Variants in CACNA1D observed in about 807,000 individuals in gnomAD.
The protein encoded by CACNA1D is calcium voltage-gated channel subunit alpha1 D.
CACNA1D carries 55 observed loss-of-function variants against 257.1 expected under a neutral mutation model. The observed-to-expected ratio is 0.21, with a 90% CI of 0.17 to 0.27. The LOEUF is 0.27. Among genes scored for constraint, CACNA1D ranks in the 10% least tolerant of loss-of-function variants. CACNA1D has a pLI of 1.00. For missense variants in CACNA1D, 1,876 were observed against 2,784.0 expected (o/e 0.67, Z 7.34); for synonymous variants, 980 against 1,014.9 (o/e 0.97, Z 0.65).
chr3:53,641,825 C>G (rs545687111), intron 3 of CACNA1D, among the ~76,000 whole-genome samples: 2 of 152,118 alleles, frequency 1.3e-5, no homozygotes, highest in Non-Finnish European at 2.9e-5. Flanking sequence ...TTATAGGGCT[C>G]GGAGGCCCTG....
intron 40 of CACNA1D, among the ~76,000 whole-genome samples, chr3:53,799,367 A>C (rs1473601514): frequency 1.3e-5 from 2 of 152,148 alleles, no homozygotes; most frequent in Non-Finnish European, 2.9e-5. Context: ...TCCCTAATGA[A>C]GTCATGAACA....
At chr3:53,511,360 A>G (rs903495521) in intron 3 of CACNA1D, among the ~76,000 whole-genome samples, 95 of 152,296 alleles carry the variant, frequency 6.2e-4, no homozygotes, top group African/African-American at 2.2e-3. Context: ...GCGGCGGCGA[A>G]AAAGAGTACA....
chr3:53,786,447 T>C (rs888190528), intron 39 of CACNA1D: 2 of 274,606 alleles, frequency 7.3e-6, no homozygotes, highest in Non-Finnish European at 1.4e-5. Flanking sequence ...CAAATCCCTA[T>C]GCACAGGGGT....
chr3:53,646,371 A>G (rs2094020628), intron 3 of CACNA1D, among the ~76,000 whole-genome samples: 1 of 152,184 alleles, frequency 6.6e-6, no homozygotes, highest in Non-Finnish European at 1.5e-5. Flanking sequence ...AGATACATAC[A>G]TATGTATCCT....
rs2108853461 is a variant in CACNA1D at position 53,747,422 on chromosome 3, A to G, written c.3288A>G (p.Thr1096=). ...TCTCTGCTATGATGGCGCTCTTCAC[A>G]GTCTCCACGTTTGAGGGCTGGCCTG... ...NVLSAMMALF[T]VSTFEGWPAL... is the part of the protein sequence containing the mutation. Residue 1096 remains threonine (T), a synonymous_variant, in exon 26 of 48, where the codon ACA becomes ACG. Transcript: ENST00000350061. 2 of 1,614,250 alleles carry G rather than the reference A, an allele frequency of 1.2e-6. No individual in the cohort carries two copies. The highest frequency in any genetic ancestry group is 1.7e-6 in the Non-Finnish European group (2 of 1,180,030).
intron 3 of CACNA1D, among the ~76,000 whole-genome samples, chr3:53,623,964 A>G (rs1381494297): frequency 6.6e-6 from 1 of 152,220 alleles, no homozygotes. Context: ...TAAAATATAC[A>G]GAGTTCTGGC....
At chr3:53,736,493 C>T (rs2095058710) in intron 20 of CACNA1D, among the ~76,000 whole-genome samples, 1 of 152,304 alleles carries the variant, frequency 6.6e-6, no homozygotes, top group South Asian at 2.1e-4. Flanking sequence ...GTTTGAGTAA[C>T]TTCATGAAGC....
intron 3 of CACNA1D, among the ~76,000 whole-genome samples, chr3:53,590,087 AGGACATCCCAGCCCT>A (rs2093281038): frequency 6.6e-6 from 1 of 152,196 alleles, no homozygotes; most frequent in African/African-American, 2.4e-5. Flanking sequence ...ACTTCTGTGC[AGGACATCCCAGCCCT>A]GGATGGATCC....
chr3:53,733,028 G>C, intron 19 of CACNA1D, 66 bp downstream of exon 19: 1 of 1,544,214 alleles, frequency 6.5e-7, no homozygotes, highest in Non-Finnish European at 8.9e-7. Context: ...TTGCTTGAGG[G>C]TGGCTCGGGT....
intron 25 of CACNA1D, among the ~76,000 whole-genome samples, chr3:53,747,076 T>C (rs1340681133): frequency 6.6e-6 from 1 of 152,168 alleles, no homozygotes; most frequent in Non-Finnish European, 1.5e-5. Context: ...CTCTGGAGAA[T>C]ACACGTTGCA....
chr3:53,581,582 T>C (rs538154584), intron 3 of CACNA1D, among the ~76,000 whole-genome samples: 4 of 152,314 alleles, frequency 2.6e-5, no homozygotes, highest in African/African-American at 7.2e-5. Flanking sequence ...TAGTGCACTA[T>C]GAGACCGAGC....
chr3:53,761,388 C>T (rs1290611243), intron 29 of CACNA1D, among the ~76,000 whole-genome samples: 2 of 152,218 alleles, frequency 1.3e-5, no homozygotes, highest in Non-Finnish European at 2.9e-5. Context: ...CTGTGCCTCA[C>T]GGTGCCTGTG....
intron 3 of CACNA1D, among the ~76,000 whole-genome samples, chr3:53,513,857 A>C (rs977788530): frequency 1.3e-5 from 2 of 152,156 alleles, no homozygotes; most frequent in African/African-American, 4.8e-5. Flanking sequence ...TGGTGTTATA[A>C]TTGCCTATAG....
At chr3:53,556,513 T>G (rs1436406839) in intron 3 of CACNA1D, among the ~76,000 whole-genome samples, 1 of 152,190 alleles carries the variant, frequency 6.6e-6, no homozygotes, top group East Asian at 1.9e-4. Flanking sequence ...TTATGTTATT[T>G]CATGCGCTTA....
At chr3:53,507,085 A>C (rs1010328854) in intron 3 of CACNA1D, among the ~76,000 whole-genome samples, 13 of 150,998 alleles carry the variant, frequency 8.6e-5, no homozygotes, top group Non-Finnish European at 1.5e-4. Context: ...AAAAAAAAAA[A>C]AAAAAAAACA....
chr3:53,715,630 CCTT>C (rs2094810360), intron 9 of CACNA1D, among the ~76,000 whole-genome samples: 1 of 152,154 alleles, frequency 6.6e-6, no homozygotes, highest in African/African-American at 2.4e-5. Flanking sequence ...TCATTCTTAC[CCTT>C]TTACAGGTGA....
intron 3 of CACNA1D, among the ~76,000 whole-genome samples, chr3:53,605,712 A>G (rs1429360096): frequency 6.6e-6 from 1 of 152,204 alleles, no homozygotes; most frequent in East Asian, 1.9e-4. Flanking sequence ...ACTTTTACGA[A>G]TGTCCTGTTT....
At chr3:53,731,721 A>G (rs932666938) in intron 17 of CACNA1D, among the ~76,000 whole-genome samples, 10 of 152,210 alleles carry the variant, frequency 6.6e-5, no homozygotes, top group African/African-American at 1.4e-4. Flanking sequence ...GGAGTATGAG[A>G]TGCATTATCA....
chr3:53,627,580 T>C (rs2093773831), intron 3 of CACNA1D, among the ~76,000 whole-genome samples: 1 of 127,262 alleles, frequency 7.9e-6, no homozygotes. Flanking sequence ...CTGTGTTCCC[T>C]CTCAAGCCTC....
Sources: gnomAD v4.1 joint callset for allele counts (sites outside exome capture counted in the v4.1 genomes callset) on GRCh38, gnomAD v4.1.1 for gene constraint, MANE v1.5 for transcripts, NCBI Gene and HGNC (gene_info 2026-07-23, HGNC 2026-07-21) for gene names.